Variants in ARFIP1 observed in about 807,000 individuals in gnomAD.
ARFIP1 encodes arfaptin-1.
ARFIP1 carries 24 observed loss-of-function variants against 42.5 expected under a neutral mutation model. The observed-to-expected ratio is 0.57, with a 90% CI of 0.41 to 0.80. The LOEUF (loss-of-function observed/expected upper bound fraction) is 0.80, where lower values mean the gene tolerates loss of function less well. Among genes scored for constraint, ARFIP1 ranks in the 30% least tolerant of loss-of-function variants. The pLI is 0.00. For synonymous variants in ARFIP1, 141 were observed against 153.7 expected, an observed-to-expected ratio of 0.92 and a Z score of 0.61; for missense variants, 354 against 434.0, an observed-to-expected ratio of 0.82 and a Z score of 1.64.
intron 8 of ARFIP1, among the ~76,000 whole-genome samples, chr4:152,903,453 G>C (rs537076810): frequency 6.6e-6 from 1 of 151,200 alleles, no homozygotes; most frequent in Non-Finnish European, 1.5e-5. Flanking sequence ...TATATTTGAG[G>C]ATTAAATTTT....
intron 4 of ARFIP1, among the ~76,000 whole-genome samples, chr4:152,871,927 A>G (rs1397460597): frequency 6.6e-6 from 1 of 152,066 alleles, no homozygotes; most frequent in Non-Finnish European, 1.5e-5. Context: ...TAGTGATAGC[A>G]TATCTTTAAT....
chr4:152,826,574 G>T (rs1322793899), intron 1 of ARFIP1, among the ~76,000 whole-genome samples: 1 of 151,996 alleles, frequency 6.6e-6, no homozygotes, highest in Non-Finnish European at 1.5e-5. Flanking sequence ...TCCCTACTAC[G>T]TACTTCATCC....
intron 5 of ARFIP1, among the ~76,000 whole-genome samples, chr4:152,880,123 G>A (rs1173516709): frequency 1.3e-5 from 2 of 152,052 alleles, no homozygotes; most frequent in African/African-American, 4.8e-5. Flanking sequence ...AGGTTGATCA[G>A]TTGAGCCCAG....
chr4:152,821,480 C>T (rs559638771), intron 1 of ARFIP1, among the ~76,000 whole-genome samples: 9 of 151,604 alleles, frequency 5.9e-5, no homozygotes, highest in Admixed American at 1.3e-4. Context: ...CAAAGTCATC[C>T]GGAAATAGGG....
chr4:152,905,557 T>TTTTTTG (rs1738272004), intron 8 of ARFIP1, among the ~76,000 whole-genome samples: 1 of 117,652 alleles, frequency 8.5e-6, no homozygotes, highest in African/African-American at 3.2e-5. Context: ...TTTTTTTTTT[T>TTTTTTG]TTTTTTTTTT....
intron 1 of ARFIP1, among the ~76,000 whole-genome samples, chr4:152,816,481 T>C (rs1729896604): frequency 6.6e-6 from 1 of 152,238 alleles, no homozygotes; most frequent in South Asian, 2.1e-4. Flanking sequence ...TCTTTATGAC[T>C]TACTCCCTCA....
chr4:152,902,488 T>A (rs905448019), intron 8 of ARFIP1, among the ~76,000 whole-genome samples: 6 of 151,904 alleles, frequency 3.9e-5, no homozygotes, highest in African/African-American at 1.5e-4. Flanking sequence ...GGCAACAGAG[T>A]GAGACCCTGT....
chr4:152,841,716 C>T (rs1219220908), intron 2 of ARFIP1, among the ~76,000 whole-genome samples: 2 of 152,070 alleles, frequency 1.3e-5, no homozygotes, highest in African/African-American at 2.4e-5. Context: ...AAGATAGGGC[C>T]CCAATCCATT....
At chr4:152,795,483 C>T (rs1017744944) in intron 1 of ARFIP1, among the ~76,000 whole-genome samples, 1 of 152,054 alleles carries the variant, frequency 6.6e-6, no homozygotes, top group Non-Finnish European at 1.5e-5. Context: ...TTTACAATTA[C>T]AAAGAATGCT....
At chr4:152,893,741 G>A (rs1457529394) in intron 8 of ARFIP1, among the ~76,000 whole-genome samples, 4 of 152,022 alleles carry the variant, frequency 2.6e-5, no homozygotes, top group Admixed American at 6.6e-5. Context: ...TGACAGAGGA[G>A]GCAGAAGAAG....
chr4:152,832,954 CAT>C (rs1216152477), intron 2 of ARFIP1, among the ~76,000 whole-genome samples: 1 of 151,970 alleles, frequency 6.6e-6, no homozygotes, highest in Non-Finnish European at 1.5e-5. Flanking sequence ...TAGAAGAAAA[CAT>C]AGGGGAGAAG....
intron 3 of ARFIP1, among the ~76,000 whole-genome samples, chr4:152,869,285 G>T (rs898150395): frequency 1.3e-5 from 2 of 152,156 alleles, no homozygotes; most frequent in African/African-American, 4.8e-5. Context: ...GAGAACTGGG[G>T]AAGAGTGTAA....
chr4:152,839,349 G>T (rs930152098), intron 2 of ARFIP1, among the ~76,000 whole-genome samples: 3 of 152,124 alleles, frequency 2.0e-5, no homozygotes, highest in Non-Finnish European at 4.4e-5. Flanking sequence ...AGTGTCAAAA[G>T]GATTGGTACC....
intron 2 of ARFIP1, among the ~76,000 whole-genome samples, chr4:152,833,004 G>A (rs1305506938): frequency 6.6e-6 from 1 of 152,000 alleles, no homozygotes; most frequent in Non-Finnish European, 1.5e-5. Flanking sequence ...TTTTTGATAT[G>A]ATGTCAAAAG....
At chr4:152,788,362 G>C (rs187287952) in intron 1 of ARFIP1, among the ~76,000 whole-genome samples, 9 of 152,118 alleles carry the variant, frequency 5.9e-5, no homozygotes, top group Admixed American at 3.3e-4. Context: ...AGATAGAATA[G>C]AGCTTCCCAT....
chr4:152,848,476 G>A (rs1293799845), intron 2 of ARFIP1, among the ~76,000 whole-genome samples: 1 of 152,226 alleles, frequency 6.6e-6, no homozygotes, highest in Non-Finnish European at 1.5e-5. Flanking sequence ...GTTTGTGAGT[G>A]TGAGTCTTTG....
At chr4:152,906,587 C>T (rs537205670) in intron 8 of ARFIP1, among the ~76,000 whole-genome samples, 67 of 152,336 alleles carry the variant, frequency 4.4e-4, no homozygotes, top group African/African-American at 1.5e-3. Flanking sequence ...TTACCTCACC[C>T]AGGTTATTGC....
At chr4:152,804,248 A>AAC (rs1207584194) in intron 1 of ARFIP1, among the ~76,000 whole-genome samples, 7 of 107,714 alleles carry the variant, frequency 6.5e-5, no homozygotes, top group Middle Eastern at 6.6e-3. Context: ...TATAATATAT[A>AAC]ATATAACATG....
At chr4:152,795,820 A>ATTTTTTTTTTTTTTTTTTTTGTTTTTTTT (rs1731418995) in intron 1 of ARFIP1, among the ~76,000 whole-genome samples, 1 of 28,066 alleles carries the variant, frequency 3.6e-5, no homozygotes, top group African/African-American at 1.5e-4. Flanking sequence ...GGCCCTTGTA[A>ATTTTTTTTTTTTTTTTTTTTGTTTTTTTT]TTTTTTTTTT....
Sources: gnomAD v4.1 joint callset for allele counts (sites outside exome capture counted in the v4.1 genomes callset) on GRCh38, gnomAD v4.1.1 for gene constraint, MANE v1.5 for transcripts, NCBI Gene and HGNC (gene_info 2026-07-23, HGNC 2026-07-21) for gene names.